Variants in CAMTA1 observed in about 807,000 individuals in gnomAD.
The protein encoded by CAMTA1 is calmodulin-binding transcription activator 1.
A neutral mutation model predicts 170.9 loss-of-function variants in CAMTA1; 27 were observed. The ratio of observed to expected loss-of-function variants is 0.16; its 90% CI spans 0.12 to 0.22. The LOEUF is 0.22. Among genes scored for constraint, CAMTA1 ranks in the 10% least tolerant of loss-of-function variants. CAMTA1 has a pLI of 1.00. For synonymous variants in CAMTA1, 833 were observed against 891.5 expected (o/e 0.93, Z 1.17); for missense variants, 1,619 against 2,217.2 (o/e 0.73, Z 5.42).
intron 4 of CAMTA1, among the ~76,000 whole-genome samples, chr1:7,143,598 A>T (rs1402525179): frequency 6.6e-6 from 1 of 152,146 alleles, no homozygotes; most frequent in Non-Finnish European, 1.5e-5. Context: ...ACTAACACTG[A>T]GGTTCTTCTC....
intron 4 of CAMTA1, among the ~76,000 whole-genome samples, chr1:7,149,469 C>T (rs893885213): frequency 3.3e-5 from 5 of 152,238 alleles, no homozygotes; most frequent in Admixed American, 6.5e-5. Flanking sequence ...GTAGGAATGC[C>T]AGCTTCGGCT....
chr1:7,465,945 G>A (rs1175911438), intron 5 of CAMTA1, among the ~76,000 whole-genome samples: 1 of 152,184 alleles, frequency 6.6e-6, no homozygotes, highest in African/African-American at 2.4e-5. Flanking sequence ...AGTCTAGAGA[G>A]GAATAGAGTG....
intron 4 of CAMTA1, among the ~76,000 whole-genome samples, chr1:7,165,574 G>A (rs1047624948): frequency 6.6e-6 from 1 of 152,034 alleles, no homozygotes; most frequent in Non-Finnish European, 1.5e-5. Context: ...TGAGACTACA[G>A]GCACGCACCA....
At chr1:7,334,304 G>A (rs1273229826) in intron 5 of CAMTA1, among the ~76,000 whole-genome samples, 3 of 152,196 alleles carry the variant, frequency 2.0e-5, no homozygotes, top group Admixed American at 6.5e-5. Flanking sequence ...ACTCTTGGAA[G>A]GAGGGTCCTA....
intron 6 of CAMTA1, among the ~76,000 whole-genome samples, chr1:7,504,037 A>T (rs916977937): frequency 6.6e-5 from 10 of 152,114 alleles, no homozygotes; most frequent in Non-Finnish European, 1.3e-4. Context: ...CCCGGGCAGG[A>T]GAGGGTGGCA....
rs550477422 is a variant in CAMTA1 at position 7,067,369 on chromosome 1, C to T, written c.235-23935C>T. On this transcript the variant is annotated intron_variant, in intron 3 of 22. Coordinates refer to ENST00000303635, the MANE Select transcript of CAMTA1 (RefSeq NM_015215.4). This position sits in a 1 kb window ranked among gnomAD's most constrained non-coding sequence, Gnocchi z 4.3. ...GAAGTTCCCTGTCTTTAAGCATTGT[C>T]TTTCTTTAAACAGGCTTCAATGCAA... 9.2e-5 allele frequency among the ~76,000 whole-genome samples: 14 copies of T among 152,192 alleles called. No individual in the cohort carries two copies. Among genetic ancestry groups the T allele is most frequent in the Non-Finnish European group, 1.9e-4 (13 of 68,032 alleles).
chr1:7,569,119 A>G (rs540525032), intron 6 of CAMTA1, among the ~76,000 whole-genome samples: 1 of 151,642 alleles, frequency 6.6e-6, no homozygotes, highest in Admixed American at 6.6e-5. Flanking sequence ...CATCACCACC[A>G]TCACCATCTC....
At position 6,926,685 on chromosome 1, in the gene CAMTA1, T is replaced by TTCCTCCCC. The variant is rs1553188232; in HGVS notation, c.234+101479_234+101480insCCCCTCCT. Among the ~76,000 whole-genome samples the TTCCTCCCC allele has an allele frequency of 1.6e-4, 21 of 134,870 alleles. No homozygotes were observed. The South Asian group carries it at 4.9e-3, about 31-fold the overall frequency. The allele number at this position is 134,870 out of a possible 152,430, so 88.5% of individuals were successfully genotyped here. On this transcript the variant is annotated intron_variant, in intron 3 of 22. Transcript: ENST00000303635. ...CCTTCCTTCCCTTTCATTTCCTTCC[T>TTCCTCCCC]TCCTTCCCTCCTTCTCTCCTTCCTT...
At chr1:7,564,233 A>G (rs1370244351) in intron 6 of CAMTA1, among the ~76,000 whole-genome samples, 1 of 151,936 alleles carries the variant, frequency 6.6e-6, no homozygotes, top group Non-Finnish European at 1.5e-5. Flanking sequence ...TTGTCACTCC[A>G]CCTGCCAGGC....
intron 17 of CAMTA1, among the ~76,000 whole-genome samples, chr1:7,745,430 G>A (rs1286398609): frequency 1.3e-5 from 2 of 152,274 alleles, no homozygotes; most frequent in East Asian, 1.9e-4. Context: ...GGAGGCTGAG[G>A]CAGGAGAATT....
rs75378904 is a variant in CAMTA1, at chr1:6,822,772, G to A, written c.116-2320G>A. Among the ~76,000 whole-genome samples the A allele has an allele frequency of 7.6e-3, 1,151 of 151,194 alleles. 19 individuals carry two copies. Among genetic ancestry groups the A allele is most frequent in the African/African-American group, 0.026 (1,066 of 41,158 alleles). On this transcript the variant is annotated intron_variant, in intron 2 of 22. Coordinates refer to ENST00000303635, the MANE Select transcript of CAMTA1 (RefSeq NM_015215.4). ...TAGCAGTTAATTGTGCTGTTGAGAA[G>A]AGTACCTTTATTACATAAATACCAC...
At chr1:7,371,134 A>T (rs192321184) in intron 5 of CAMTA1, among the ~76,000 whole-genome samples, 4 of 151,978 alleles carry the variant, frequency 2.6e-5, no homozygotes, top group South Asian at 2.1e-4. Flanking sequence ...GTTGGTCTCG[A>T]TCTCCTGACC....
intron 4 of CAMTA1, among the ~76,000 whole-genome samples, chr1:7,151,616 G>T (rs1432122412): frequency 6.6e-6 from 1 of 152,166 alleles, no homozygotes; most frequent in Non-Finnish European, 1.5e-5. Flanking sequence ...ATGCCCAAGG[G>T]CTTTTCCCAG....
chr1:6,956,748 A>G (rs1689522460), intron 3 of CAMTA1, among the ~76,000 whole-genome samples: 1 of 152,186 alleles, frequency 6.6e-6, no homozygotes, highest in South Asian at 2.1e-4. Context: ...TATAAAAACA[A>G]AGGGCTCAGT....
At chr1:6,882,750 G>A (rs577139828) in intron 3 of CAMTA1, among the ~76,000 whole-genome samples, 7 of 152,208 alleles carry the variant, frequency 4.6e-5, no homozygotes, top group South Asian at 2.1e-4. Context: ...TCTAAAAGCC[G>A]TAGGACTGGA....
At chr1:7,521,762 T>A (rs2094368454) in intron 6 of CAMTA1, among the ~76,000 whole-genome samples, 1 of 152,220 alleles carries the variant, frequency 6.6e-6, no homozygotes, top group Non-Finnish European at 1.5e-5. Context: ...TTGGCCAGGC[T>A]GGTCTTGAAC....
At chr1:7,419,883 C>G (rs570285232) in intron 5 of CAMTA1, among the ~76,000 whole-genome samples, 2 of 152,258 alleles carry the variant, frequency 1.3e-5, no homozygotes, top group South Asian at 4.2e-4. Flanking sequence ...GCTCTTCCTT[C>G]AGAGTGCTTT....
At chr1:7,231,179 G>A (rs756620966) in intron 4 of CAMTA1, among the ~76,000 whole-genome samples, 1 of 152,152 alleles carries the variant, frequency 6.6e-6, no homozygotes, top group Non-Finnish European at 1.5e-5. Context: ...GCCCCTTGAC[G>A]TGGGCCTGAA....
In CAMTA1 at chr1:7,673,192, C is replaced by A. The variant is rs945734027; in HGVS notation, c.2779+2155C>A. Among the ~76,000 whole-genome samples the A allele has an allele frequency of 2.3e-4, 35 of 152,216 alleles. No individual in the cohort carries two copies. Among genetic ancestry groups the A allele is most frequent in the African/African-American group, 6.5e-4 (27 of 41,464 alleles). On this transcript the variant is annotated intron_variant, in intron 10 of 22. Transcript: ENST00000303635. The surrounding 1 kb of genome is among the most constrained non-coding windows in gnomAD (Gnocchi z 4.6). ...CTTAGGTCTGCTCTCAGTTATCTGACCCCTCTACAGAAAAAGAAAGGCTGG... is the reference window on the plus strand; with the variant it reads ...CTTAGGTCTGCTCTCAGTTATCTGAACCCTCTACAGAAAAAGAAAGGCTGG...
Sources: allele counts gnomAD v4.1 joint callset (sites outside exome capture counted in the v4.1 genomes callset), GRCh38; gene constraint gnomAD v4.1.1; non-coding constraint Gnocchi (gnomAD v3.1); transcripts MANE v1.5; gene names NCBI Gene and HGNC (gene_info 2026-07-23, HGNC 2026-07-21).